The following FSTL4 variants were observed in gnomAD, a reference collection of about 807,000 sequenced individuals.
FSTL4 encodes the protein follistatin-related protein 4.
Under a neutral mutation model 78.2 loss-of-function variants are expected in FSTL4, and 28 were observed. That is an observed-to-expected ratio of 0.36 (90% confidence interval 0.27 to 0.49). The LOEUF (loss-of-function observed/expected upper bound fraction) is 0.49. FSTL4 is among the 20% of genes least tolerant of loss of function. The pLI is 0.98. For synonymous variants in FSTL4, 422 were observed against 440.5 expected (o/e 0.96, Z 0.53); for missense variants, 922 against 1,084.9 (o/e 0.85, Z 2.11).
chr5:133,668,952 A>G, the FSTL4 span, among the ~76,000 whole-genome samples: 1 of 152,264 alleles, frequency 6.6e-6, no homozygotes, highest in African/African-American at 2.4e-5. Flanking sequence ...TGACATCTAG[A>G]AAGAAAAGGA....
At chr5:133,771,707 C>T in the FSTL4 span, among the ~76,000 whole-genome samples, 1 of 151,948 alleles carries the variant, frequency 6.6e-6, no homozygotes, top group Non-Finnish European at 1.5e-5. Context: ...TTCCTCTTTT[C>T]CAATCTGGAT....
chr5:133,363,730 G>A (rs910194499), intron 4 of FSTL4, among the ~76,000 whole-genome samples: 1 of 152,124 alleles, frequency 6.6e-6, no homozygotes, highest in Non-Finnish European at 1.5e-5. Flanking sequence ...CTGGCAGGCC[G>A]TGGACCACAG....
At chr5:133,364,101 C>T (rs576189341) in intron 4 of FSTL4, among the ~76,000 whole-genome samples, 5 of 152,328 alleles carry the variant, frequency 3.3e-5, no homozygotes, top group Middle Eastern at 3.4e-3. Context: ...AGGCAGGACA[C>T]GCCTGACATT....
chr5:133,728,830 G>T, the FSTL4 span, among the ~76,000 whole-genome samples: 1 of 151,360 alleles, frequency 6.6e-6, no homozygotes, highest in African/African-American at 2.4e-5. Flanking sequence ...AGGAAGGGAG[G>T]GTGGGGGAAA....
At chr5:133,339,235 A>G (rs865960664) in intron 4 of FSTL4, among the ~76,000 whole-genome samples, 8 of 152,292 alleles carry the variant, frequency 5.3e-5, no homozygotes, top group South Asian at 2.1e-4. Context: ...GCTGGCTTGC[A>G]GCATCTGCTC....
intron 4 of FSTL4, among the ~76,000 whole-genome samples, chr5:133,346,869 C>A (rs189785741): frequency 1.3e-5 from 2 of 152,082 alleles, no homozygotes; most frequent in African/African-American, 4.8e-5. Context: ...ACTTATTCTT[C>A]GGCTCCTTCT....
intron 4 of FSTL4, among the ~76,000 whole-genome samples, chr5:133,345,547 C>T (rs191004879): frequency 2.7e-4 from 41 of 152,228 alleles, no homozygotes; most frequent in African/African-American, 5.5e-4. Flanking sequence ...AGGGTTTTTA[C>T]GGTTTTAGGT....
chr5:133,632,725 G>A, the FSTL4 span, among the ~76,000 whole-genome samples: 29 of 152,210 alleles, frequency 1.9e-4, no homozygotes, highest in South Asian at 5.6e-3. Context: ...TTGCTCTGTT[G>A]CCCAGCCTGG....
At chr5:133,483,051 A>G (rs1212262260) in intron 3 of FSTL4, among the ~76,000 whole-genome samples, 1 of 152,172 alleles carries the variant, frequency 6.6e-6, no homozygotes, top group Non-Finnish European at 1.5e-5. Context: ...GTGGGAGGTA[A>G]CTGAATCATG....
At chr5:133,601,591 G>C (rs1217154864) in intron 2 of FSTL4, among the ~76,000 whole-genome samples, 1 of 152,206 alleles carries the variant, frequency 6.6e-6, no homozygotes, top group Non-Finnish European at 1.5e-5. Context: ...GGGATGAACA[G>C]AGTGTGAGCA....
chr5:133,637,934 C>T, the FSTL4 span, among the ~76,000 whole-genome samples: 6 of 145,272 alleles, frequency 4.1e-5, no homozygotes, highest in Non-Finnish European at 9.0e-5. Flanking sequence ...GAGTAAGACT[C>T]CGTCTCAAAA....
At chr5:133,691,573 G>C in the FSTL4 span, among the ~76,000 whole-genome samples, 1 of 152,092 alleles carries the variant, frequency 6.6e-6, no homozygotes, top group Non-Finnish European at 1.5e-5. Context: ...CCCAAGAAGG[G>C]TTCGAGGCTG....
intron 4 of FSTL4, among the ~76,000 whole-genome samples, chr5:133,393,341 T>C (rs930231135): frequency 6.6e-6 from 1 of 152,192 alleles, no homozygotes; most frequent in African/African-American, 2.4e-5. Context: ...CTTTTGGCTA[T>C]AAATTCCTTG....
At chr5:133,231,245 G>T (rs565086763) in intron 8 of FSTL4, among the ~76,000 whole-genome samples, 2 of 150,736 alleles carry the variant, frequency 1.3e-5, no homozygotes, top group East Asian at 3.9e-4. Context: ...TTTTCTCCTT[G>T]AAAACACCCT....
At chr5:133,221,093 G>T (rs774403347) in intron 11 of FSTL4, 4 of 628,540 alleles carry the variant, frequency 6.4e-6, no homozygotes, top group Non-Finnish European at 1.2e-5. Flanking sequence ...CACAGGCTAC[G>T]TACAGCTGCC....
At chr5:133,793,042 T>G in the FSTL4 span, among the ~76,000 whole-genome samples, 3 of 152,160 alleles carry the variant, frequency 2.0e-5, no homozygotes, top group Non-Finnish European at 4.4e-5. Context: ...ATTCTATAAG[T>G]GCTTTTCTTG....
intron 7 of FSTL4, among the ~76,000 whole-genome samples, chr5:133,235,214 T>A (rs1242301646): frequency 6.6e-6 from 1 of 152,142 alleles, no homozygotes; most frequent in Non-Finnish European, 1.5e-5. Context: ...GCATGGTAGC[T>A]CATGCCTGTA....
At chr5:133,614,070 C>T (rs1448920754), upstream of FSTL4, among the ~76,000 whole-genome samples, 1 of 152,190 alleles carries the variant, frequency 6.6e-6, no homozygotes, top group East Asian at 1.9e-4. Flanking sequence ...CTGTGCCTCC[C>T]TCTGAAATGT....
At chr5:133,437,358 G>C (rs367789403) in intron 3 of FSTL4, among the ~76,000 whole-genome samples, 7 of 152,124 alleles carry the variant, frequency 4.6e-5, no homozygotes, top group Admixed American at 3.3e-4. Flanking sequence ...GGTTGAGGTA[G>C]CTTGAGAAGG....
Sources: gnomAD v4.1 joint callset for allele counts (sites outside exome capture counted in the v4.1 genomes callset) on GRCh38, gnomAD v4.1.1 for gene constraint, MANE v1.5 for transcripts, NCBI Gene and HGNC (gene_info 2026-07-23, HGNC 2026-07-21) for gene names.